The following RSF1 variants were observed in gnomAD, a reference collection of about 807,000 sequenced individuals.
RSF1 encodes the protein remodeling and spacing factor 1, also known as HBV pX-associated protein 8.
A neutral mutation model predicts 145.2 loss-of-function variants in RSF1; 13 were observed. That is an observed-to-expected ratio of 0.09 (90% CI 0.06 to 0.14). RSF1 has a LOEUF of 0.14. Among genes scored for constraint, RSF1 ranks in the 10% least tolerant of loss-of-function variants. The probability of loss-of-function intolerance (pLI) is 1.00; values close to 1 mark genes in which losing one functional copy is unlikely to be tolerated. For missense variants in RSF1, 1,517 were observed against 1,718.2 expected, an observed-to-expected ratio of 0.88 and a Z score of 2.07; for synonymous variants, 577 against 592.6, an observed-to-expected ratio of 0.97 and a Z score of 0.38.
At chr11:77,760,867 T>C (rs750701211) in intron 2 of RSF1, among the ~76,000 whole-genome samples, 2 of 152,164 alleles carry the variant, frequency 1.3e-5, no homozygotes, top group African/African-American at 2.4e-5. Flanking sequence ...TCATCTCCTG[T>C]TGAGGGGTAG....
At chr11:77,720,060 G>A (rs975023567) in intron 5 of RSF1, among the ~76,000 whole-genome samples, 4 of 152,146 alleles carry the variant, frequency 2.6e-5, no homozygotes, top group African/African-American at 9.7e-5. Flanking sequence ...AGTGGTTATG[G>A]TTGCACAATG....
chr11:77,776,744 A>T (rs1175287747), intron 1 of RSF1, among the ~76,000 whole-genome samples: 2 of 152,224 alleles, frequency 1.3e-5, no homozygotes. Context: ...GAGTATCTGA[A>T]TAAAATGTTG....
chr11:77,671,746 T>C (rs572383097), intron 15 of RSF1, among the ~76,000 whole-genome samples: 1 of 151,986 alleles, frequency 6.6e-6, no homozygotes, highest in Non-Finnish European at 1.5e-5. Flanking sequence ...GCAATTCTCC[T>C]GCCTCAACCT....
At position 77,800,337 on chromosome 11, in the gene RSF1, C is replaced by G. The variant is rs144367966; in HGVS notation, c.187+20191G>C. 5.3e-5 allele frequency among the ~76,000 whole-genome samples: 8 copies of G among 151,798 alleles called. No individual in the cohort carries two copies. In the East Asian group the frequency reaches 1.6e-3, roughly 29 times the overall value. ...TGAAACCCCGCCTCTACTAAAAATACAAAACTTAGCCAGGTGTATTGGCAC... is the reference window on the plus strand; with the variant it reads ...TGAAACCCCGCCTCTACTAAAAATAGAAAACTTAGCCAGGTGTATTGGCAC... On this transcript the variant is annotated intron_variant, in intron 1 of 15. Transcript: ENST00000308488.
At chr11:77,726,300 C>T (rs1359814565) in intron 4 of RSF1, among the ~76,000 whole-genome samples, 1 of 152,010 alleles carries the variant, frequency 6.6e-6, no homozygotes, top group African/African-American at 2.4e-5. Context: ...AAAGTCTAAC[C>T]TATAAATTCT....
At position 77,663,745 on chromosome 11, in the gene RSF1, C is replaced by T. The variant is rs866931120; in HGVS notation, c.*3172G>A. 6.6e-6 allele frequency: 1 copy of T among 152,176 alleles called. No individual in the cohort carries two copies. The highest frequency in any genetic ancestry group is 2.4e-5 in the African/African-American group (1 of 41,452). 9.4% of individuals were successfully genotyped at this position (152,176 alleles called of 1,614,324 possible). Reference sequence around the variant, plus strand: ...ACAAAACCAAAACGTTTTCAGTCTGCGTCCTTTTCACACATATTTCAGTTC... The same window carrying T: ...ACAAAACCAAAACGTTTTCAGTCTGTGTCCTTTTCACACATATTTCAGTTC... On this transcript the variant is annotated 3_prime_UTR_variant, in exon 16 of 16. Coordinates refer to ENST00000308488, the MANE Select transcript of RSF1 (RefSeq NM_016578.4).
intron 1 of RSF1, among the ~76,000 whole-genome samples, chr11:77,790,802 C>T (rs1948509327): frequency 6.6e-6 from 1 of 152,198 alleles, no homozygotes; most frequent in African/African-American, 2.4e-5. Flanking sequence ...GTCTCATATA[C>T]AGGTCACGCT....
chr11:77,800,126 A>G (rs1404776054), intron 1 of RSF1, among the ~76,000 whole-genome samples: 1 of 152,164 alleles, frequency 6.6e-6, no homozygotes, highest in Admixed American at 6.5e-5. Context: ...ACTGCACTCC[A>G]TCCAACCTGG....
chr11:77,869,398 G>A, the RSF1 span, among the ~76,000 whole-genome samples: 1 of 140,684 alleles, frequency 7.1e-6, no homozygotes, highest in South Asian at 2.2e-4. Context: ...CTGCAGCCTC[G>A]ACCTCCCAGG....
At chr11:77,844,827 A>G in the RSF1 span, among the ~76,000 whole-genome samples, 1 of 152,202 alleles carries the variant, frequency 6.6e-6, no homozygotes, top group African/African-American at 2.4e-5. Context: ...GGAGCGCCTC[A>G]TGATGTAATG....
intron 2 of RSF1, among the ~76,000 whole-genome samples, chr11:77,750,636 G>A (rs1410161390): frequency 1.3e-5 from 2 of 152,052 alleles, no homozygotes; most frequent in Non-Finnish European, 2.9e-5. Flanking sequence ...CTTGGGTCCT[G>A]GAAGCAACCA....
chr11:77,695,790 G>A (rs916575515), intron 7 of RSF1, among the ~76,000 whole-genome samples: 2 of 152,080 alleles, frequency 1.3e-5, no homozygotes, highest in Non-Finnish European at 2.9e-5. Flanking sequence ...AGAGGACAGC[G>A]CTAAGATATA....
upstream of RSF1, among the ~76,000 whole-genome samples, chr11:77,825,818 A>G (rs947756801): frequency 2.6e-5 from 4 of 151,900 alleles, no homozygotes; most frequent in Non-Finnish European, 5.9e-5. Context: ...CAGCCTCCCA[A>G]GTAGCTGGGA....
chr11:77,713,597 C>T (rs1444302229), intron 5 of RSF1, among the ~76,000 whole-genome samples: 1 of 152,088 alleles, frequency 6.6e-6, no homozygotes, highest in Non-Finnish European at 1.5e-5. Flanking sequence ...TTTATCTGTC[C>T]CCTTGCTTTT....
chr11:77,760,237 G>A (rs1302586754), intron 2 of RSF1, among the ~76,000 whole-genome samples: 1 of 152,150 alleles, frequency 6.6e-6, no homozygotes, highest in East Asian at 1.9e-4. Context: ...TAATGGATGA[G>A]TATTTGGCAA....
At chr11:77,759,366 G>A (rs1405664558) in intron 2 of RSF1, among the ~76,000 whole-genome samples, 1 of 152,030 alleles carries the variant, frequency 6.6e-6, no homozygotes, top group Non-Finnish European at 1.5e-5. Flanking sequence ...AAAAATTTTA[G>A]CTTGGCATTG....
intron 1 of RSF1, 64 bp downstream of exon 1, chr11:77,820,464 G>A: frequency 6.7e-7 from 1 of 1,489,746 alleles, no homozygotes; most frequent in Non-Finnish European, 9.0e-7. Flanking sequence ...GGGCGCCTGT[G>A]AAGAGCGGAG....
At position 77,676,904 on chromosome 11, in the gene RSF1, G is replaced by T; in HGVS notation, c.3229C>A (p.Pro1077Thr). Reference protein sequence around the residue: ...LDEERKENKRPQRAAAARRKK... With the variant: ...LDEERKENKRTQRAAAARRKK... The stretch of plus-strand genomic sequence containing the variant: ...CTTCGAGCAGCAGCTGCCCTCTGGG[G>T]TCGTTTATTTTCTTTTCTTTCTTCA... Residue 1077 changes from proline to threonine, a missense_variant, in exon 13 of 16, where the codon CCC (proline) becomes ACC (threonine). By Grantham distance (38) the Pro-to-Thr change is conservative. Coordinates refer to ENST00000308488, the MANE Select transcript of RSF1 (RefSeq NM_016578.4). 6.2e-7 allele frequency: 1 copy of T among 1,614,088 alleles called. No homozygotes were observed. Among genetic ancestry groups the T allele is most frequent in the Non-Finnish European group, 8.5e-7 (1 of 1,179,988 alleles).
At chr11:77,719,971 T>C (rs1960906066) in intron 5 of RSF1, among the ~76,000 whole-genome samples, 1 of 152,082 alleles carries the variant, frequency 6.6e-6, no homozygotes, top group South Asian at 2.1e-4. Context: ...TTACAGGGGA[T>C]GAGGGTAGGG....
Sources: gnomAD v4.1 joint callset for allele counts (sites outside exome capture counted in the v4.1 genomes callset) on GRCh38, gnomAD v4.1.1 for gene constraint, MANE v1.5 for transcripts, NCBI Gene and HGNC (gene_info 2026-07-23, HGNC 2026-07-21) for gene names.